HNRNPK: variants seen among roughly 807,000 people sequenced by gnomAD.
The protein encoded by HNRNPK is dC-stretch binding protein.
HNRNPK carries 7 observed loss-of-function variants against 67.0 expected under a neutral mutation model. The ratio of observed to expected loss-of-function variants is 0.10; its 90% CI spans 0.06 to 0.20. The LOEUF is 0.20. Ranked by LOEUF, HNRNPK falls within the 10% of genes least tolerant of loss-of-function variation. The pLI, the probability that HNRNPK is intolerant of heterozygous loss-of-function variation, is 1.00. For synonymous variants in HNRNPK, 213 were observed against 193.7 expected, an observed-to-expected ratio of 1.10 and a Z score of -0.83; for missense variants, 264 against 606.5, an observed-to-expected ratio of 0.44 and a Z score of 5.93.
chr9:83,973,784 T>TA, intron 8 of HNRNPK, 118 bp downstream of exon 8: 1 of 712,698 alleles, frequency 1.4e-6, no homozygotes, highest in Non-Finnish European at 2.4e-6. Flanking sequence ...ACCATTCATG[T>TA]ATCATGTTTT....
intron 1 of HNRNPK, among the ~76,000 whole-genome samples, chr9:83,979,565 G>A (rs911614473): frequency 3.3e-5 from 5 of 152,012 alleles, no homozygotes; most frequent in Admixed American, 6.6e-5. Context: ...GTAACAGGAC[G>A]GGAAAAAGCG....
At chr9:83,970,426 TCAGA>T in intron 15 of HNRNPK, 95 bp from the exon 16 acceptor site, 1 of 1,002,822 alleles carries the variant, frequency 1.0e-6, no homozygotes, top group African/African-American at 1.6e-5. Context: ...TTTTATTCAT[TCAGA>T]ATCTTAACTG....
chr9:83,969,159 A>T lies in HNRNPK; in HGVS notation c.*248T>A. Reference sequence around the variant, plus strand: ...ACTCTGCTGCTGTTTCAAAATTTCAATGTTAGTTTTTGCACGCCCTTCCCC... The same window carrying T: ...ACTCTGCTGCTGTTTCAAAATTTCATTGTTAGTTTTTGCACGCCCTTCCCC... On this transcript the variant is annotated 3_prime_UTR_variant, in exon 17 of 17. Transcript: ENST00000376263. 1.9e-6 allele frequency: 1 copy of T among 524,324 alleles called. No individual in the cohort carries two copies. Among genetic ancestry groups the T allele is most frequent in the Non-Finnish European group, 3.4e-6 (1 of 293,200 alleles). The allele number at this position is 524,324 out of a possible 1,614,324, so 32.5% of individuals were successfully genotyped here.
At chr9:83,969,761 G>A (rs377191039) in intron 16 of HNRNPK, 7 of 658,578 alleles carry the variant, frequency 1.1e-5, no homozygotes, top group African/African-American at 1.1e-4. Context: ...TAGAGGCATG[G>A]CCTGTGCCAT....
chr9:83,970,110 T>TTA (rs776578047), intron 16 of HNRNPK, 52 bp downstream of exon 16: 1 of 1,454,560 alleles, frequency 6.9e-7, no homozygotes, highest in Admixed American at 2.1e-5. Context: ...AAGAAAAGCT[T>TTA]TTTAAAGGTT....
chr9:83,976,050 G>A (rs1449505675), intron 5 of HNRNPK, among the ~76,000 whole-genome samples: 6 of 152,112 alleles, frequency 3.9e-5, no homozygotes, highest in Non-Finnish European at 8.8e-5. Flanking sequence ...GAGGAGAGAG[G>A]TTTATAAAAG....
At chr9:83,972,999 A>G (rs759413214) in intron 9 of HNRNPK, 27 bp from the exon 10 acceptor site, 11 of 1,518,954 alleles carry the variant, frequency 7.2e-6, no homozygotes, top group Non-Finnish European at 8.9e-6. Flanking sequence ...AAAAAAAATA[A>G]TAATAATTAG....
At chr9:83,972,596 A>T (rs749813508) in intron 10 of HNRNPK, among the ~76,000 whole-genome samples, 1 of 152,216 alleles carries the variant, frequency 6.6e-6, no homozygotes, top group Non-Finnish European at 1.5e-5. Flanking sequence ...AGTTACAAAG[A>T]CACAAGCAAC....
At chr9:83,973,174 T>C (rs2133038518) in intron 9 of HNRNPK, 112 bp downstream of exon 9, 1 of 792,770 alleles carries the variant, frequency 1.3e-6, no homozygotes. Flanking sequence ...TCATTTGCGA[T>C]AAGCAATCTT....
At chr9:83,975,946 G>A (rs1001946143) in intron 5 of HNRNPK, among the ~76,000 whole-genome samples, 10 of 152,038 alleles carry the variant, frequency 6.6e-5, no homozygotes, top group Admixed American at 5.9e-4. Flanking sequence ...TGGCTCATGA[G>A]GGTAGACACA....
intron 16 of HNRNPK, 62 bp from the exon 17 acceptor site, chr9:83,969,502 A>G (rs1564057257): frequency 6.1e-6 from 6 of 981,726 alleles, no homozygotes; most frequent in East Asian, 2.4e-5. Flanking sequence ...CTTAATCAAC[A>G]TCAAGACAAT....
intron 15 of HNRNPK, 40 bp downstream of exon 15, chr9:83,970,695 TAA>T (rs775395655): frequency 8.4e-7 from 1 of 1,184,384 alleles, no homozygotes; most frequent in East Asian, 2.3e-5. Context: ...GGAATAATCA[TAA>T]AAGTGATAAA....
chr9:83,980,332 CAAGGCGACGGAG>C (rs1957333202), upstream of HNRNPK: 1 of 152,438 alleles, frequency 6.6e-6, no homozygotes, highest in South Asian at 2.1e-4. Flanking sequence ...CCACGTCAAT[CAAGGCGACGGAG>C]GAGGCGACAA....
At chr9:83,979,994 T>A (rs1193304813) in intron 1 of HNRNPK, among the ~76,000 whole-genome samples, 159 bp downstream of exon 1, 3 of 151,974 alleles carry the variant, frequency 2.0e-5, no homozygotes, top group Non-Finnish European at 4.4e-5. Flanking sequence ...GGATACACGC[T>A]CAGGGAAATG....
At chr9:83,973,145 C>T in intron 9 of HNRNPK, 141 bp downstream of exon 9, 1 of 734,590 alleles carries the variant, frequency 1.4e-6, no homozygotes, top group Non-Finnish European at 2.3e-6. Flanking sequence ...ACATGTCTAG[C>T]AGTGCCAGAC....
intron 10 of HNRNPK, 95 bp from the exon 11 acceptor site, chr9:83,972,284 C>A: frequency 1.1e-6 from 1 of 918,006 alleles, no homozygotes; most frequent in South Asian, 1.7e-5. Flanking sequence ...AAATGTAAGT[C>A]ATTCCCCCAT....
chr9:83,976,228 G>A (rs1321572161), intron 5 of HNRNPK, among the ~76,000 whole-genome samples: 1 of 152,058 alleles, frequency 6.6e-6, no homozygotes, highest in African/African-American at 2.4e-5. Context: ...AAAGATCTGC[G>A]ACCAAGAGAG....
At chr9:83,973,783 G>A (rs962766001) in intron 8 of HNRNPK, 119 bp downstream of exon 8, 7 of 709,982 alleles carry the variant, frequency 9.9e-6, no homozygotes, top group Non-Finnish European at 1.5e-5. Context: ...GACCATTCAT[G>A]TATCATGTTT....
At chr9:83,978,483 T>C (rs1478863869) in intron 1 of HNRNPK, 31 bp from the exon 2 acceptor site, 4 of 740,584 alleles carry the variant, frequency 5.4e-6, no homozygotes, top group Non-Finnish European at 7.5e-6. Context: ...CAGTTTTGCT[T>C]TTGTTTATTC....
Sources: allele counts gnomAD v4.1 joint callset (sites outside exome capture counted in the v4.1 genomes callset), GRCh38; gene constraint gnomAD v4.1.1; transcripts MANE v1.5; gene names NCBI Gene and HGNC (gene_info 2026-07-23, HGNC 2026-07-21).